The following SPATA17 variants were observed in gnomAD, a reference collection of about 807,000 sequenced individuals.
The protein encoded by SPATA17 is spermatogenesis associated 17.
SPATA17 carries 53 observed loss-of-function variants against 62.2 expected under a neutral mutation model. The ratio of observed to expected loss-of-function variants is 0.85; its 90% CI spans 0.68 to 1.07. The LOEUF (loss-of-function observed/expected upper bound fraction) is 1.07. Among genes scored for constraint, SPATA17 ranks in the 50% least tolerant of loss-of-function variants. The probability of loss-of-function intolerance (pLI) is 0.00; values close to 1 mark genes in which losing one functional copy is unlikely to be tolerated. For missense variants in SPATA17, 466 were observed against 425.5 expected, an observed-to-expected ratio of 1.10 and a Z score of -0.84; for synonymous variants, 146 against 146.8, an observed-to-expected ratio of 0.99 and a Z score of 0.04.
rs1359364470 is a variant in SPATA17 at position 217,716,763 on chromosome 1, T to C, written c.396-25212T>C. ...AATGTCATGATTATCAAGCCAAACATACAGGTGAACAAATTTAGACATTGT... is the reference window on the plus strand; with the variant it reads ...AATGTCATGATTATCAAGCCAAACACACAGGTGAACAAATTTAGACATTGT... On this transcript the variant is annotated intron_variant, in intron 5 of 10. Coordinates refer to ENST00000366933, the MANE Select transcript of SPATA17 (RefSeq NM_138796.4). Among the ~76,000 whole-genome samples, 3 of 152,196 alleles carry C rather than the reference T, an allele frequency of 2.0e-5. No homozygotes were observed. In the East Asian group the frequency reaches 5.8e-4, roughly 29 times the overall value.
At chr1:217,789,936 C>T (rs1221201453) in intron 8 of SPATA17, among the ~76,000 whole-genome samples, 2 of 152,140 alleles carry the variant, frequency 1.3e-5, no homozygotes, top group African/African-American at 4.8e-5. Context: ...ACTCGGGAGG[C>T]TGAGGCACAA....
chr1:217,670,393 T>C (rs1470307464), intron 4 of SPATA17, among the ~76,000 whole-genome samples: 1 of 152,182 alleles, frequency 6.6e-6, no homozygotes, highest in Admixed American at 6.5e-5. Flanking sequence ...AGGTGCGTAC[T>C]TTTGTGTATT....
At chr1:217,676,901 A>C (rs568271771) in intron 4 of SPATA17, among the ~76,000 whole-genome samples, 4 of 152,176 alleles carry the variant, frequency 2.6e-5, no homozygotes, top group Admixed American at 1.3e-4. Context: ...AGATGTAATT[A>C]ATTGTTTCAA....
intron 9 of SPATA17, among the ~76,000 whole-genome samples, chr1:217,836,513 T>A (rs1675262328): frequency 6.6e-6 from 1 of 152,160 alleles, no homozygotes; most frequent in African/African-American, 2.4e-5. Flanking sequence ...ATTTACTCTA[T>A]GACGTGCTAC....
intron 9 of SPATA17, among the ~76,000 whole-genome samples, chr1:217,860,164 T>C (rs1447259476): frequency 6.6e-6 from 1 of 152,206 alleles, no homozygotes; most frequent in Non-Finnish European, 1.5e-5. Context: ...ACCCATGTGT[T>C]ATTTAGAAGT....
At position 217,870,047 on chromosome 1, in the gene SPATA17, T is replaced by C. The variant is rs1321269128; in HGVS notation, c.*3028T>C. On this transcript the variant is annotated 3_prime_UTR_variant, in exon 11 of 11. Coordinates refer to ENST00000366933, the MANE Select transcript of SPATA17 (RefSeq NM_138796.4). ...ATTTACTATACAATTTTGTGTACTTTTGTAAGTTCTTGGTTGTTTCTAAAC... is the reference window on the plus strand; with the variant it reads ...ATTTACTATACAATTTTGTGTACTTCTGTAAGTTCTTGGTTGTTTCTAAAC... The C allele has an allele frequency of 6.6e-6, 1 of 152,150 alleles. No homozygotes were observed. The highest frequency in any genetic ancestry group is 1.5e-5 in the Non-Finnish European group (1 of 68,030). The allele number at this position is 152,150 out of a possible 1,614,324, so 9.4% of individuals were successfully genotyped here. A position where few individuals can be genotyped will look rare whatever the true frequency, so the allele number is the denominator to read the frequency against.
At chr1:217,862,904 C>T in intron 10 of SPATA17, 48 bp downstream of exon 10, 1 of 1,234,110 alleles carries the variant, frequency 8.1e-7, no homozygotes. Flanking sequence ...TTAAATAACA[C>T]TTAAAAAATC....
intron 7 of SPATA17, among the ~76,000 whole-genome samples, chr1:217,776,507 G>C (rs941639021): frequency 6.6e-6 from 1 of 151,990 alleles, no homozygotes; most frequent in Non-Finnish European, 1.5e-5. Context: ...CCTTTGGTGA[G>C]TTCCTCTTAC....
chr1:217,741,756 A>T (rs12125081), intron 5 of SPATA17, among the ~76,000 whole-genome samples: 27,161 of 152,134 alleles, frequency 0.18, 3,369 homozygotes, highest in East Asian at 0.54. Flanking sequence ...TTATAAATAT[A>T]CTCATTTGAT....
rs138709110 is a variant in SPATA17, at chr1:217,668,881, A to G, written c.241-152A>G. ...GCTTGCATTATGTATTAGGAAGCCT[A>G]TCTCTTCAATACAACATTTGATTTC... On this transcript the variant is annotated intron_variant, in intron 3 of 10. Transcript: ENST00000366933. The G allele has an allele frequency of 9.4e-4, 643 of 684,692 alleles. 5 individuals carry two copies. The African/African-American group carries it at 0.01, about 11-fold the overall frequency. The allele number at this position is 684,692 out of a possible 1,614,324, so 42.4% of individuals were successfully genotyped here. A position where few individuals can be genotyped will look rare whatever the true frequency, so the allele number is the denominator to read the frequency against.
chr1:217,661,821 C>T (rs574553372), intron 3 of SPATA17, among the ~76,000 whole-genome samples: 1 of 152,172 alleles, frequency 6.6e-6, no homozygotes, highest in East Asian at 1.9e-4. Context: ...GCATTTTATG[C>T]ATGCTGAACT....
In SPATA17 at chr1:217,651,223, T is replaced by C. The variant is rs753265891; in HGVS notation, c.240+45T>C. 1.9e-5 allele frequency: 27 copies of C among 1,404,484 alleles called. No homozygotes were observed. In the African/African-American group the frequency reaches 3.3e-4, roughly 17 times the overall value. 87.0% of individuals were successfully genotyped at this position (1,404,484 alleles called of 1,614,324 possible). On this transcript the variant is annotated intron_variant, in intron 3 of 10. Transcript: ENST00000366933. ...ATGTTAGCATTTGAATTGTACAATA[T>C]GCTGTAACTTACTCACTTTAGTCAT... is the stretch of plus-strand genomic sequence containing the variant.
intron 5 of SPATA17, among the ~76,000 whole-genome samples, chr1:217,721,236 A>G (rs982018071): frequency 6.6e-6 from 1 of 152,182 alleles, no homozygotes; most frequent in Non-Finnish European, 1.5e-5. Context: ...CTTTTAAATA[A>G]GTGGATCTTT....
chr1:217,706,872 C>CT (rs34008177), intron 5 of SPATA17, among the ~76,000 whole-genome samples: 396 of 144,746 alleles, frequency 2.7e-3, no homozygotes, highest in East Asian at 4.8e-3. Flanking sequence ...TTCTTTCTTT[C>CT]TTTTTTTTTT....
chr1:217,808,586 G>A (rs1674501932), intron 9 of SPATA17, among the ~76,000 whole-genome samples: 1 of 152,160 alleles, frequency 6.6e-6, no homozygotes, highest in Non-Finnish European at 1.5e-5. Context: ...TGGCACAGTG[G>A]CCCACGCCTG....
At position 217,811,653 on chromosome 1, in the gene SPATA17, A is replaced by T. The variant is rs138270712; in HGVS notation, c.1005+9803A>T. Among the ~76,000 whole-genome samples the T allele has an allele frequency of 3.0e-3, 442 of 149,760 alleles. 1 individual carries two copies. The highest frequency in any genetic ancestry group is 4.3e-3 in the Non-Finnish European group (288 of 67,638). ...GGTTGGAGTGAACAGAAATTGTGCC[A>T]TTGCACTCCAGCCTGGGCAACAGAG... On this transcript the variant is annotated intron_variant, in intron 9 of 10. Transcript: ENST00000366933.
chr1:217,654,585 A>G (rs926263080), intron 3 of SPATA17, among the ~76,000 whole-genome samples: 29 of 152,210 alleles, frequency 1.9e-4, no homozygotes, highest in Non-Finnish European at 3.4e-4. Context: ...CAAGTGAAAA[A>G]ATTTGCATTA....
At chr1:217,705,368 T>C (rs1558573346) in intron 5 of SPATA17, among the ~76,000 whole-genome samples, 1 of 151,568 alleles carries the variant, frequency 6.6e-6, no homozygotes, top group Non-Finnish European at 1.5e-5. Context: ...CTTTACTGTG[T>C]TCACAGTTCT....
intron 4 of SPATA17, among the ~76,000 whole-genome samples, chr1:217,676,038 G>A (rs1218203002): frequency 1.3e-5 from 2 of 152,166 alleles, no homozygotes; most frequent in African/African-American, 4.8e-5. Context: ...ATCCTTATTG[G>A]TAGTACATTT....
Sources: allele counts gnomAD v4.1 joint callset (sites outside exome capture counted in the v4.1 genomes callset), GRCh38; gene constraint gnomAD v4.1.1; transcripts MANE v1.5; gene names NCBI Gene and HGNC (gene_info 2026-07-23, HGNC 2026-07-21).